CYP51A1: variants seen among roughly 807,000 people sequenced by gnomAD.
CYP51A1 encodes the protein lanosterol 14-alpha demethylase.
A neutral mutation model predicts 53.5 loss-of-function variants in CYP51A1; 45 were observed. That is an observed-to-expected ratio of 0.84 (90% CI 0.66 to 1.08). The LOEUF is 1.08. CYP51A1 is among the 50% of genes least tolerant of loss of function. The probability of loss-of-function intolerance (pLI) is 0.00; values close to 1 mark genes in which losing one functional copy is unlikely to be tolerated. For missense variants in CYP51A1, 462 were observed against 621.7 expected, an observed-to-expected ratio of 0.74 and a Z score of 2.73; for synonymous variants, 181 against 217.7, an observed-to-expected ratio of 0.83 and a Z score of 1.48.
rs1819488052 is a variant in CYP51A1, at chr7:92,113,087, G to C, written c.*578C>G. 6.6e-6 allele frequency: 1 copy of C among 152,100 alleles called. No individual in the cohort carries two copies. The highest frequency in any genetic ancestry group is 2.4e-5 in the African/African-American group (1 of 41,402). 9.4% of individuals were successfully genotyped at this position (152,100 alleles called of 1,614,324 possible). A position where few individuals can be genotyped will look rare whatever the true frequency, so the allele number is the denominator to read the frequency against. On this transcript the variant is annotated 3_prime_UTR_variant, in exon 10 of 10. Coordinates refer to ENST00000003100, the MANE Select transcript of CYP51A1 (RefSeq NM_000786.4). ...TAATTTCCCATATGCAGTGATTTTA[G>C]TTAAAATTCCAAAGGATTTCTTTTT...
rs540302319 is a variant in CYP51A1, at chr7:92,116,752, C to T, written c.1351+292G>A. ...TCTTTAAAAGAGAATCCACAAAGAG[C>T]TTTAAATACCATTGTAAGGGAAAAC... is the stretch of plus-strand genomic sequence containing the variant. On this transcript the variant is annotated intron_variant, in intron 9 of 9. Coordinates refer to ENST00000003100, the MANE Select transcript of CYP51A1 (RefSeq NM_000786.4). Among the ~76,000 whole-genome samples the T allele has an allele frequency of 1.6e-4, 24 of 152,236 alleles. 1 individual carries two copies.
intron 1 of CYP51A1, among the ~76,000 whole-genome samples, chr7:92,132,766 TA>T (rs1231420264): frequency 6.6e-6 from 1 of 152,252 alleles, no homozygotes; most frequent in African/African-American, 2.4e-5. Context: ...TTAGAGTTTT[TA>T]AGAGAGTAGA....
At chr7:92,124,931 C>T (rs1447474749) in intron 5 of CYP51A1, among the ~76,000 whole-genome samples, 1 of 151,990 alleles carries the variant, frequency 6.6e-6, no homozygotes, top group Non-Finnish European at 1.5e-5. Flanking sequence ...ATCACAAGGT[C>T]GGGAGATCAA....
At position 92,123,120 on chromosome 7, in the gene CYP51A1, C is replaced by T. The variant is rs1486281551; in HGVS notation, c.1086G>A (p.Gln362=). 1 of 1,605,924 alleles carries T rather than the reference C, an allele frequency of 6.2e-7. No individual in the cohort carries two copies. The highest frequency in any genetic ancestry group is 8.5e-7 in the Non-Finnish European group (1 of 1,175,144). ...GENLPPLTYD[Q]LKDLNLLDRC... ...AATGAAACTGAAAAATCCAACAAAC[C>T]TGGTCATAAGTTAAAGGAGGCAGAT... The change falls in exon 7 of 10, where the codon CAG becomes CAA. Residue 362 remains glutamine, a splice_region_variant and synonymous_variant. Transcript: ENST00000003100.
At chr7:92,120,070 A>AG (rs1414956802) in intron 7 of CYP51A1, among the ~76,000 whole-genome samples, 2 of 152,242 alleles carry the variant, frequency 1.3e-5, no homozygotes, top group African/African-American at 4.8e-5. Context: ...ATTTAACAAG[A>AG]GAAGTTTAAA....
rs763656068 is a variant in CYP51A1 at position 92,113,827 on chromosome 7, A to G, written c.1368T>C (p.Ile456=). 1.2e-6 allele frequency: 2 copies of G among 1,600,060 alleles called. No individual in the cohort carries two copies. The highest frequency in any genetic ancestry group is 2.3e-5 in the South Asian group (2 of 88,346). ...TTTGAACATAGGCAAAATTTTCCCC[A>G]ATACAACGATGACGCCCTAAAAAAA... ...VPFGAGRHRC[I]GENFAYVQIK... is the part of the protein sequence containing the mutation. Residue 456 remains isoleucine, a synonymous_variant, in exon 10 of 10, where the codon ATT becomes ATC. Coordinates refer to ENST00000003100, the MANE Select transcript of CYP51A1 (RefSeq NM_000786.4).
chr7:92,118,147 T>C (rs1377293436), intron 8 of CYP51A1, among the ~76,000 whole-genome samples: 1 of 152,114 alleles, frequency 6.6e-6, no homozygotes, highest in Non-Finnish European at 1.5e-5. Context: ...TTTCTTTTTC[T>C]TTCTTTTTTA....
At position 92,134,125 on chromosome 7, in the gene CYP51A1, C is replaced by G. The variant is rs1819988506; in HGVS notation, c.192+48G>C. The stretch of plus-strand genomic sequence containing the variant: ...GCCGCCCACGCCAGCCCTTCGGCCG[C>G]CTCAGCTGCGGCGCGCGCCCCACTC... On this transcript the variant is annotated intron_variant, in intron 1 of 9. Coordinates refer to ENST00000003100, the MANE Select transcript of CYP51A1 (RefSeq NM_000786.4). 3.2e-6 allele frequency: 5 copies of G among 1,586,380 alleles called. No homozygotes were observed. The Middle Eastern group carries it at 6.9e-4, about 218-fold the overall frequency.
At position 92,112,494 on chromosome 7, in the gene CYP51A1, C is replaced by T. The variant is rs1819408966; in HGVS notation, c.*1171G>A. The T allele has an allele frequency of 6.6e-6, 1 of 152,098 alleles. No homozygotes were observed. Among genetic ancestry groups the T allele is most frequent in the Non-Finnish European group, 1.5e-5 (1 of 68,024 alleles). 9.4% of individuals were successfully genotyped at this position (152,098 alleles called of 1,614,324 possible). A position where few individuals can be genotyped will look rare whatever the true frequency, so the allele number is the denominator to read the frequency against. Reference sequence around the variant, plus strand: ...AAAAAAGTTTGTTAACTGTTTTAATCAATATGAGTAGTAACAAACATCCCT... The same window carrying T: ...AAAAAAGTTTGTTAACTGTTTTAATTAATATGAGTAGTAACAAACATCCCT... On this transcript the variant is annotated 3_prime_UTR_variant, in exon 10 of 10. Transcript: ENST00000003100.
intron 8 of CYP51A1, among the ~76,000 whole-genome samples, chr7:92,117,880 T>TG (rs968528920): frequency 2.7e-5 from 4 of 150,932 alleles, no homozygotes; most frequent in African/African-American, 9.7e-5. Flanking sequence ...CCCAGCTACT[T>TG]GGGAGGCTGA....
At chr7:92,119,002 G>A (rs777709418) in intron 7 of CYP51A1, among the ~76,000 whole-genome samples, 1 of 152,192 alleles carries the variant, frequency 6.6e-6, no homozygotes, top group Admixed American at 6.5e-5. Flanking sequence ...TTGTGGTAGT[G>A]TAAGTTGTAT....
intron 7 of CYP51A1, among the ~76,000 whole-genome samples, chr7:92,119,842 A>C (rs566050397): frequency 2.4e-4 from 36 of 152,276 alleles, no homozygotes; most frequent in African/African-American, 7.9e-4. Flanking sequence ...GCTATTATAA[A>C]CAGGTTCAAA....
chr7:92,126,605 G>C (rs923349100), intron 4 of CYP51A1, among the ~76,000 whole-genome samples, 178 bp from the exon 5 acceptor site: 13 of 152,136 alleles, frequency 8.5e-5, no homozygotes, highest in African/African-American at 3.1e-4. Context: ...ACAATGTGAA[G>C]CACCCTGTCC....
At chr7:92,118,957 A>C (rs1014018971) in intron 7 of CYP51A1, among the ~76,000 whole-genome samples, 23 of 152,238 alleles carry the variant, frequency 1.5e-4, no homozygotes, top group African/African-American at 5.5e-4. Flanking sequence ...TAATTCAAGA[A>C]AAAGAAATCT....
intron 1 of CYP51A1, among the ~76,000 whole-genome samples, chr7:92,133,632 A>C (rs1346067972): frequency 6.6e-6 from 1 of 152,030 alleles, no homozygotes; most frequent in Non-Finnish European, 1.5e-5. Context: ...TACCATTACC[A>C]CACTCTACAC....
At chr7:92,126,179 AAGGCAAAGCATACCAACACT>A in intron 5 of CYP51A1, 54 bp downstream of exon 5, 1 of 1,033,484 alleles carries the variant, frequency 9.7e-7, no homozygotes, top group African/African-American at 1.6e-5. Context: ...TATCTTTGTT[AAGGCAAAGCATACCAACACT>A]ACAATAATTA....
intron 1 of CYP51A1, among the ~76,000 whole-genome samples, chr7:92,133,298 A>G (rs1298886117): frequency 6.7e-6 from 1 of 150,016 alleles, no homozygotes; most frequent in African/African-American, 2.5e-5. Context: ...TCTGTCGCCC[A>G]GACTGGAGTC....
Position 92,113,678 on chromosome 7 carries a change from C to T in CYP51A1, c.1517G>A (p.Arg506Gln), listed in dbSNP as rs776540678. Residue 506 changes from arginine to glutamine, a missense_variant, in exon 10 of 10, where the codon CGA (arginine) becomes CAA (glutamine). By Grantham distance (43) the Arg-to-Gln change is conservative (BLOSUM62 1). Transcript: ENST00000003100. ...TTGCAACCTTTTTCATTTTGATCTT[C>T]GTTTGTAACGGATAACTGGGTTTTC... is the stretch of plus-strand genomic sequence containing the variant. ...TPENPVIRYK[R>Q]RSK is the part of the protein sequence containing the mutation. The T allele has an allele frequency of 3.1e-6, 5 of 1,611,058 alleles. No individual in the cohort carries two copies. The South Asian group carries it at 3.3e-5, about 11-fold the overall frequency.
intron 9 of CYP51A1, among the ~76,000 whole-genome samples, chr7:92,114,371 A>T (rs7798757): frequency 0.03 from 4,606 of 152,298 alleles, 209 homozygotes; most frequent in African/African-American, 0.1. Context: ...ATCTTGGAAA[A>T]AGAACTGAGT....
Sources: allele counts gnomAD v4.1 joint callset (sites outside exome capture counted in the v4.1 genomes callset), GRCh38; gene constraint gnomAD v4.1.1; transcripts MANE v1.5; gene names NCBI Gene and HGNC (gene_info 2026-07-23, HGNC 2026-07-21).